RBFOX1: variants seen among roughly 807,000 people sequenced by gnomAD.
RBFOX1 encodes RNA binding fox-1 homolog 1.
Under a neutral mutation model 57.7 loss-of-function variants are expected in RBFOX1, and 8 were observed. The observed-to-expected ratio is 0.14, with a 90% CI of 0.08 to 0.25. The LOEUF (loss-of-function observed/expected upper bound fraction) is 0.25, where lower values mean the gene tolerates loss of function less well. RBFOX1 is among the 10% of genes least tolerant of loss of function. The probability of loss-of-function intolerance (pLI) is 1.00; values close to 1 mark genes in which losing one functional copy is unlikely to be tolerated. For synonymous variants in RBFOX1, 326 were observed against 222.4 expected, an observed-to-expected ratio of 1.47 and a Z score of -4.15; for missense variants, 611 against 548.5, an observed-to-expected ratio of 1.11 and a Z score of -1.14.
At chr16:5,421,489 A>G (rs1274889310) in intron 1 of RBFOX1, among the ~76,000 whole-genome samples, 5 of 152,138 alleles carry the variant, frequency 3.3e-5, no homozygotes, top group Non-Finnish European at 5.9e-5. Context: ...AGTAGAGAGA[A>G]TGGGGTGAGT....
rs537595725 is a variant in RBFOX1 at position 7,676,653 on chromosome 16, A to G, written c.931-121A>G. The G allele has an allele frequency of 8.5e-5, 73 of 859,858 alleles. 1 individual carries two copies. The East Asian group carries it at 1.8e-3, about 21-fold the overall frequency. The allele number at this position is 859,858 out of a possible 1,614,324, so 53.3% of individuals were successfully genotyped here. On this transcript the variant is annotated intron_variant, in intron 13 of 15. Transcript: ENST00000550418. ...ATTTTCGCTTTGATACTAAGCTTTC[A>G]TTAACCTCAACTTTAGCTCAGTAGA...
chr16:5,693,481 T>C (rs1170705296), intron 3 of RBFOX1, among the ~76,000 whole-genome samples: 1 of 152,128 alleles, frequency 6.6e-6, no homozygotes, highest in Non-Finnish European at 1.5e-5. Flanking sequence ...CCTGTTCTTT[T>C]TTTTTCTTAT....
chr16:5,629,922 A>T (rs763555397), intron 3 of RBFOX1, among the ~76,000 whole-genome samples: 34 of 152,164 alleles, frequency 2.2e-4, no homozygotes, highest in Non-Finnish European at 3.7e-4. Flanking sequence ...GGAGTCAGTT[A>T]GCTGATGTTG....
chr16:5,697,982 A>C (rs1294967327), intron 3 of RBFOX1, among the ~76,000 whole-genome samples: 1 of 152,344 alleles, frequency 6.6e-6, no homozygotes, highest in East Asian at 1.9e-4. Context: ...CCTGGTCTTC[A>C]TAAATTGTTG....
In RBFOX1 at chr16:7,104,157, T is replaced by G. The variant is rs532603188; in HGVS notation, c.27+52059T>G. 4.6e-5 allele frequency among the ~76,000 whole-genome samples: 7 copies of G among 152,286 alleles called. No homozygotes were observed. The South Asian group carries it at 1.2e-3, about 27-fold the overall frequency. On this transcript the variant is annotated intron_variant, in intron 4 of 15. Coordinates refer to ENST00000550418, the MANE Select transcript of RBFOX1 (RefSeq NM_018723.4). The stretch of plus-strand genomic sequence containing the variant: ...GTATGGAAATTAAGGCCAAGATAAG[T>G]AATAACAAAGTAGCATTGATTTGTT...
At chr16:6,473,278 G>A (rs2095219109) in intron 2 of RBFOX1, among the ~76,000 whole-genome samples, 1 of 152,142 alleles carries the variant, frequency 6.6e-6, no homozygotes, top group African/African-American at 2.4e-5. Flanking sequence ...GTACATGTCT[G>A]TCTCATTTTT....
intron 2 of RBFOX1, among the ~76,000 whole-genome samples, chr16:5,558,795 T>A (rs1597522598): frequency 6.6e-6 from 1 of 152,144 alleles, no homozygotes; most frequent in Admixed American, 6.5e-5. Context: ...TAATTTGGAT[T>A]CACTCAATGC....
At chr16:7,407,677 G>A (rs577631989) in intron 4 of RBFOX1, among the ~76,000 whole-genome samples, 55 of 152,250 alleles carry the variant, frequency 3.6e-4, no homozygotes, top group East Asian at 3.3e-3. Context: ...CTTAATTGCC[G>A]TTAACATTCA....
At chr16:6,714,359 G>A (rs2064339036) in intron 3 of RBFOX1, among the ~76,000 whole-genome samples, 2 of 152,142 alleles carry the variant, frequency 1.3e-5, no homozygotes, top group African/African-American at 4.8e-5. Flanking sequence ...TGTTCATGGT[G>A]GTGGTGGTAG....
At chr16:5,922,435 C>G (rs758471) in intron 4 of RBFOX1, among the ~76,000 whole-genome samples, 35,880 of 152,120 alleles carry the variant, frequency 0.24, 4,341 homozygotes, top group East Asian at 0.32. Flanking sequence ...ATGGATAGCC[C>G]TTGTTCACCC....
At chr16:7,402,773 T>C (rs932203938) in intron 4 of RBFOX1, among the ~76,000 whole-genome samples, 3 of 152,168 alleles carry the variant, frequency 2.0e-5, no homozygotes, top group Non-Finnish European at 2.9e-5. Flanking sequence ...TCCCATTTGA[T>C]AGGATGGTGT....
chr16:7,311,720 A>G (rs1247107403), intron 4 of RBFOX1, among the ~76,000 whole-genome samples: 3 of 152,152 alleles, frequency 2.0e-5, no homozygotes, highest in African/African-American at 7.2e-5. Context: ...CCAGCTGTCC[A>G]TCTCAAGTGT....
chr16:7,258,922 TGAAGTTTTTAGATG>T (rs1314641116), intron 4 of RBFOX1, among the ~76,000 whole-genome samples: 1 of 152,156 alleles, frequency 6.6e-6, no homozygotes, highest in Non-Finnish European at 1.5e-5. Context: ...TCCCATAAGG[TGAAGTTTTTAGATG>T]GAAGAAAGAT....
intron 3 of RBFOX1, among the ~76,000 whole-genome samples, chr16:6,932,595 A>G (rs1468608324): frequency 6.6e-6 from 1 of 152,100 alleles, no homozygotes; most frequent in African/African-American, 2.4e-5. Flanking sequence ...TCACTTCCTC[A>G]TCCCACGGGC....
At chr16:7,281,999 G>A (rs2095553866) in intron 4 of RBFOX1, among the ~76,000 whole-genome samples, 1 of 152,072 alleles carries the variant, frequency 6.6e-6, no homozygotes, top group African/African-American at 2.4e-5. Context: ...CGGAGTAGCT[G>A]GGACCACAGG....
intron 2 of RBFOX1, among the ~76,000 whole-genome samples, chr16:6,639,906 A>G (rs1472885059): frequency 2.6e-5 from 4 of 152,006 alleles, no homozygotes; most frequent in Non-Finnish European, 4.4e-5. Context: ...AACAAAACCA[A>G]AAAAACAAGA....
At chr16:6,808,291 C>G (rs901898566) in intron 3 of RBFOX1, among the ~76,000 whole-genome samples, 2 of 151,788 alleles carry the variant, frequency 1.3e-5, no homozygotes, top group African/African-American at 4.8e-5. Flanking sequence ...ATCTTTTTCT[C>G]TCCTGCCTTT....
chr16:7,329,990 A>G (rs1016122383), intron 4 of RBFOX1, among the ~76,000 whole-genome samples: 6 of 152,198 alleles, frequency 3.9e-5, no homozygotes, highest in East Asian at 1.9e-4. Context: ...TGGTCAGGCA[A>G]TCTTGTACTG....
At chr16:5,862,158 T>C (rs1189592925) in intron 3 of RBFOX1, among the ~76,000 whole-genome samples, 1 of 152,206 alleles carries the variant, frequency 6.6e-6, no homozygotes, top group Admixed American at 6.5e-5. Flanking sequence ...AAAGACGACC[T>C]GCTAGACTCC....
Sources: allele counts gnomAD v4.1 joint callset (sites outside exome capture counted in the v4.1 genomes callset), GRCh38; gene constraint gnomAD v4.1.1; transcripts MANE v1.5; gene names NCBI Gene and HGNC (gene_info 2026-07-23, HGNC 2026-07-21).